SERHL2: variants seen among roughly 807,000 people sequenced by gnomAD.
The protein encoded by SERHL2 is serine hydrolase like 2.
In SERHL2, 29 loss-of-function variants were observed where a neutral mutation model predicts 25.5. The observed-to-expected ratio is 1.14, with a 90% CI of 0.85 to 1.55. The LOEUF is 1.55. Ranked by LOEUF, SERHL2 falls within the 40% of genes most tolerant of loss-of-function variation. SERHL2 has a pLI of 0.00. For synonymous variants in SERHL2, 95 were observed against 103.5 expected (o/e 0.92, Z 0.50); for missense variants, 240 against 252.3 (o/e 0.95, Z 0.33).
intron 1 of SERHL2, among the ~76,000 whole-genome samples, chr22:42,554,658 G>A (rs1361812157): frequency 3.9e-5 from 6 of 151,916 alleles, no homozygotes; most frequent in South Asian, 2.1e-4. Context: ...CAGCGCCCCC[G>A]CCCCAGCACA....
chr22:42,564,543 T>G (rs1923087443), intron 8 of SERHL2, among the ~76,000 whole-genome samples: 1 of 151,464 alleles, frequency 6.6e-6, no homozygotes, highest in Non-Finnish European at 1.5e-5. Flanking sequence ...GTAATTCTCC[T>G]GCCTCAGTCT....
rs146792707 is a variant in SERHL2 at position 42,561,623 on chromosome 22, G to A, written c.613+1358G>A. Reference sequence around the variant, plus strand: ...GCTAATCAAGTGGGAATTCAGTCTCGTGTGGCCAGAATTACCAGTTGCTCA... The same window carrying A: ...GCTAATCAAGTGGGAATTCAGTCTCATGTGGCCAGAATTACCAGTTGCTCA... On this transcript the variant is annotated intron_variant, in intron 8 of 11. Coordinates refer to ENST00000327678, the MANE Select transcript of SERHL2 (RefSeq NM_014509.5). Among the ~76,000 whole-genome samples, 432 of 151,842 alleles carry A rather than the reference G, an allele frequency of 2.8e-3. 2 individuals carry two copies. Among genetic ancestry groups the A allele is most frequent in the African/African-American group, 9.5e-3 (394 of 41,474 alleles).
intron 9 of SERHL2, among the ~76,000 whole-genome samples, chr22:42,570,447 C>CCACA (rs913099430): frequency 1.3e-5 from 2 of 150,874 alleles, no homozygotes; most frequent in African/African-American, 4.9e-5. Flanking sequence ...CAATTGTTCT[C>CCACA]ATATTTTAAC....
rs763548728 is a variant in SERHL2 at position 42,560,169 on chromosome 22, C to T, written c.534-17C>T. The T allele has an allele frequency of 2.5e-6, 4 of 1,604,084 alleles. No homozygotes were observed. Among genetic ancestry groups the T allele is most frequent in the Non-Finnish European group, 3.4e-6 (4 of 1,171,184 alleles). ...TATTGGCCTCCAGGCACCCAGCATC[C>T]TTCTGTCTCCCCCCAGGTTACTGAA... On this transcript the variant is annotated splice_polypyrimidine_tract_variant and intron_variant, in intron 7 of 11. Coordinates refer to ENST00000327678, the MANE Select transcript of SERHL2 (RefSeq NM_014509.5).
chr22:42,569,171 A>G (rs1856091089), intron 9 of SERHL2: 1 of 149,370 alleles, frequency 6.7e-6, no homozygotes, highest in African/African-American at 2.5e-5. Flanking sequence ...CAATTTTCGT[A>G]TCACGCTTGC....
chr22:42,565,006 T>G (rs1157534646), intron 8 of SERHL2: 1 of 152,062 alleles, frequency 6.6e-6, no homozygotes. Context: ...CAAGGCCATT[T>G]ATTTCACCTG....
chr22:42,566,196 A>T, intron 8 of SERHL2, 108 bp from the exon 9 acceptor site: 1 of 1,111,912 alleles, frequency 9.0e-7, no homozygotes, highest in Non-Finnish European at 1.3e-6. Context: ...CAGGTGGGAG[A>T]AATGGGCCCT....
rs527710648 is a variant in SERHL2 at position 42,564,756 on chromosome 22, C to T, written c.614-1548C>T. Among the ~76,000 whole-genome samples the T allele has an allele frequency of 7.9e-5, 12 of 151,898 alleles. No individual in the cohort carries two copies. In the East Asian group the frequency reaches 1.7e-3, roughly 22 times the overall value. On this transcript the variant is annotated intron_variant, in intron 8 of 11. Coordinates refer to ENST00000327678, the MANE Select transcript of SERHL2 (RefSeq NM_014509.5). ...TGAGGATTTTCGCATCTGACGGGAC[C>T]GTCTCCCTTCATGGCTCTTTTACAG...
intron 8 of SERHL2, chr22:42,563,311 C>A: frequency 3.8e-6 from 1 of 266,570 alleles, no homozygotes; most frequent in Non-Finnish European, 7.9e-6. Flanking sequence ...TCAGGCGATC[C>A]TCCTACCTCA....
At chr22:42,554,203 A>G (rs540112639) in intron 1 of SERHL2, 161 bp downstream of exon 1, 147 of 894,616 alleles carry the variant, frequency 1.6e-4, no homozygotes, top group African/African-American at 6.3e-4. Context: ...GCGACCGGCC[A>G]GGAGTTGGGG....
chr22:42,560,137 T>A, intron 7 of SERHL2, 49 bp from the exon 8 acceptor site: 1 of 1,428,242 alleles, frequency 7.0e-7, no homozygotes, highest in African/African-American at 1.4e-5. Flanking sequence ...TTATCTGACC[T>A]CCTTTTTATT....
intron 8 of SERHL2, among the ~76,000 whole-genome samples, chr22:42,564,752 G>A (rs1205319650): frequency 6.6e-6 from 1 of 151,834 alleles, no homozygotes; most frequent in Non-Finnish European, 1.5e-5. Flanking sequence ...GCATCTGACG[G>A]GACCGTCTCC....
At chr22:42,571,071 A>G (rs375135851) in intron 9 of SERHL2, 50 bp from the exon 10 acceptor site, 12 of 1,611,960 alleles carry the variant, frequency 7.4e-6, no homozygotes, top group Non-Finnish European at 9.3e-6. Context: ...CGTGCCCACG[A>G]GAGTGCCTGT....
rs1418564472 is a variant in SERHL2 at position 42,574,015 on chromosome 22, C to T, written c.905C>T (p.Ser302Phe). The change falls in exon 12 of 12, where the codon TCC (serine) becomes TTC (phenylalanine). Residue 302 changes from serine to phenylalanine, a missense_variant. This residue lies in a region of SERHL2 where 212 missense variants were observed against 168.9 expected (regional missense o/e 1.25). Coordinates refer to ENST00000327678, the MANE Select transcript of SERHL2 (RefSeq NM_014509.5). ...CAGCACGTGGCCAGTATCATCAGCTCCTTCTTACAGTGCACACACATGCTC... is the reference window on the plus strand; with the variant it reads ...CAGCACGTGGCCAGTATCATCAGCTTCTTCTTACAGTGCACACACATGCTC... The part of the protein sequence containing the change: ...EPQHVASIIS[S>F]FLQCTHMLPA... The T allele has an allele frequency of 1.1e-5, 18 of 1,610,884 alleles. 1 individual carries two copies. The highest frequency in any genetic ancestry group is 4.0e-5 in the African/African-American group (3 of 74,764).
intron 10 of SERHL2, among the ~76,000 whole-genome samples, chr22:42,572,076 G>C (rs1309799335): frequency 6.6e-6 from 1 of 152,064 alleles, no homozygotes; most frequent in Non-Finnish European, 1.5e-5. Context: ...CAGAATTGTA[G>C]ACTATCAACG....
rs912150240 is a variant in SERHL2 at position 42,571,349 on chromosome 22, C to T, written c.731+146C>T. 11 of 1,482,320 alleles carry T rather than the reference C, an allele frequency of 7.4e-6. No homozygotes were observed. The African/African-American group carries it at 1.6e-4, about 21-fold the overall frequency. 91.8% of individuals were successfully genotyped at this position (1,482,320 alleles called of 1,614,324 possible). ...TCAAGATCTTTTTTGGGAAGCCCCC[C>T]TGGCAGCAGGGTCATGGAAGGAGGA... On this transcript the variant is annotated intron_variant, in intron 10 of 11. Transcript: ENST00000327678.
At chr22:42,571,020 T>C in intron 9 of SERHL2, 101 bp from the exon 10 acceptor site, 1 of 1,564,868 alleles carries the variant, frequency 6.4e-7, no homozygotes, top group Non-Finnish European at 8.7e-7. Flanking sequence ...GTGGCTAAGG[T>C]GCCCTCGCCA....
chr22:42,574,258 A>G lies in SERHL2; in HGVS notation c.*203A>G, dbSNP rs944813405. ...AAGGGGGAGACAGAGTCTGGGTTCC[A>G]GGGCTGCTTTCTCCTGGCTAATAAT... On this transcript the variant is annotated 3_prime_UTR_variant, in exon 12 of 12. Transcript: ENST00000327678. The G allele has an allele frequency of 1.0e-4, 60 of 584,360 alleles. No homozygotes were observed. Among genetic ancestry groups the G allele is most frequent in the Non-Finnish European group, 1.5e-5 (5 of 332,962 alleles). The allele number at this position is 584,360 out of a possible 1,614,324, so 36.2% of individuals were successfully genotyped here.
At chr22:42,573,434 G>A (rs9623631) in intron 11 of SERHL2, 8,262 of 152,768 alleles carry the variant, frequency 0.054, 703 homozygotes, top group African/African-American at 0.18. Context: ...TAGTAGAGAC[G>A]GGGTTTCACT....
Sources: allele counts gnomAD v4.1 joint callset (sites outside exome capture counted in the v4.1 genomes callset), GRCh38; gene constraint gnomAD v4.1.1; regional missense constraint gnomAD v4.1.1; transcripts MANE v1.5; gene names NCBI Gene and HGNC (gene_info 2026-07-23, HGNC 2026-07-21).